Variants in HS6ST3 observed in about 807,000 individuals in gnomAD.
The protein encoded by HS6ST3 is heparan-sulfate 6-O-sulfotransferase 3.
A neutral mutation model predicts 36.7 loss-of-function variants in HS6ST3; 12 were observed. The ratio of observed to expected loss-of-function variants is 0.33; its 90% CI spans 0.21 to 0.53. The LOEUF is 0.53. Among genes scored for constraint, HS6ST3 ranks in the 20% least tolerant of loss-of-function variants. HS6ST3 has a pLI of 0.95. For synonymous variants in HS6ST3, 240 were observed against 257.5 expected (o/e 0.93, Z 0.65); for missense variants, 584 against 640.9 (o/e 0.91, Z 0.96).
intron 1 of HS6ST3, among the ~76,000 whole-genome samples, chr13:96,436,521 C>G (rs1356857212): frequency 6.6e-6 from 1 of 152,156 alleles, no homozygotes; most frequent in East Asian, 1.9e-4. Context: ...GAAGCCCTAA[C>G]CCCCAGTACC....
intron 1 of HS6ST3, among the ~76,000 whole-genome samples, chr13:96,198,198 G>T (rs1293323844): frequency 6.6e-6 from 1 of 152,190 alleles, no homozygotes. Flanking sequence ...TGGGACACAG[G>T]GCACCAAGTG....
intron 1 of HS6ST3, among the ~76,000 whole-genome samples, chr13:96,590,517 C>A (rs997651952): frequency 1.7e-4 from 26 of 151,646 alleles, no homozygotes; most frequent in African/African-American, 6.1e-4. Flanking sequence ...GATCTTTTGC[C>A]CATTTTTAAA....
intron 1 of HS6ST3, among the ~76,000 whole-genome samples, chr13:96,226,376 C>T (rs1201134705): frequency 2.0e-5 from 3 of 152,084 alleles, no homozygotes; most frequent in African/African-American, 7.2e-5. Context: ...CAAAATTAGC[C>T]ATGCATGGTG....
chr13:96,318,690 A>G (rs1203574361), intron 1 of HS6ST3, among the ~76,000 whole-genome samples: 4 of 152,062 alleles, frequency 2.6e-5, no homozygotes, highest in East Asian at 1.9e-4. Context: ...GTCAAAGATC[A>G]GATGGTTGTA....
At chr13:96,576,494 G>C (rs914770465) in intron 1 of HS6ST3, among the ~76,000 whole-genome samples, 1 of 152,168 alleles carries the variant, frequency 6.6e-6, no homozygotes, top group Non-Finnish European at 1.5e-5. Context: ...ACTCATTACT[G>C]TGCAAGTGTT....
intron 1 of HS6ST3, among the ~76,000 whole-genome samples, chr13:96,225,234 A>G (rs2054474525): frequency 6.6e-6 from 1 of 152,238 alleles, no homozygotes; most frequent in Non-Finnish European, 1.5e-5. Flanking sequence ...TGGCCTAATT[A>G]AATTATCTGG....
chr13:96,300,739 A>G (rs1243535335), intron 1 of HS6ST3, among the ~76,000 whole-genome samples: 4 of 152,204 alleles, frequency 2.6e-5, no homozygotes, highest in African/African-American at 9.6e-5. Flanking sequence ...ATAGCTTAAT[A>G]TGTTCATAAA....
At chr13:96,187,860 A>G (rs1467416419) in intron 1 of HS6ST3, among the ~76,000 whole-genome samples, 1 of 152,156 alleles carries the variant, frequency 6.6e-6, no homozygotes, top group Non-Finnish European at 1.5e-5. Flanking sequence ...GAATTCAGTG[A>G]TAACTTCCTT....
intron 1 of HS6ST3, among the ~76,000 whole-genome samples, chr13:96,445,762 G>A (rs1594781982): frequency 6.6e-6 from 1 of 152,096 alleles, no homozygotes; most frequent in Admixed American, 6.6e-5. Context: ...CAGCAACTCG[G>A]GAGGCTGAGG....
At chr13:96,292,188 A>C (rs2054833118) in intron 1 of HS6ST3, among the ~76,000 whole-genome samples, 1 of 148,096 alleles carries the variant, frequency 6.8e-6, no homozygotes, top group African/African-American at 2.5e-5. Context: ...GTTAATATGA[A>C]GTTTTTAGAA....
intron 1 of HS6ST3, among the ~76,000 whole-genome samples, chr13:96,304,572 T>C (rs559079215): frequency 2.0e-3 from 300 of 152,044 alleles, no homozygotes; most frequent in African/African-American, 6.7e-3. Flanking sequence ...GGGATGTCTT[T>C]GGAGGACACT....
chr13:96,816,232 C>A (rs1455417902), intron 1 of HS6ST3, among the ~76,000 whole-genome samples: 1 of 152,162 alleles, frequency 6.6e-6, no homozygotes. Flanking sequence ...AGGGCTGTTA[C>A]TAGAATTCCA....
chr13:96,514,614 C>A (rs1035590767), intron 1 of HS6ST3, among the ~76,000 whole-genome samples: 2 of 152,092 alleles, frequency 1.3e-5, no homozygotes, highest in African/African-American at 4.8e-5. Context: ...GCCGACACGC[C>A]AAGAGAAGAA....
intron 1 of HS6ST3, among the ~76,000 whole-genome samples, chr13:96,231,887 T>C (rs1398490552): frequency 6.6e-6 from 1 of 152,178 alleles, no homozygotes; most frequent in Non-Finnish European, 1.5e-5. Context: ...TGACCAGTCA[T>C]AAAGTGTAAA....
At chr13:96,709,029 A>AATCCCCATT (rs1375242974) in intron 1 of HS6ST3, among the ~76,000 whole-genome samples, 1 of 152,066 alleles carries the variant, frequency 6.6e-6, no homozygotes, top group African/African-American at 2.4e-5. Flanking sequence ...TAATCCCCAT[A>AATCCCCATT]ATCCCCATGT....
At chr13:96,377,007 T>C (rs1273634366) in intron 1 of HS6ST3, among the ~76,000 whole-genome samples, 1 of 150,024 alleles carries the variant, frequency 6.7e-6, no homozygotes, top group Non-Finnish European at 1.5e-5. Flanking sequence ...TATTGATTTA[T>C]TGATTTATTG....
chr13:96,763,720 C>G (rs1292983751), intron 1 of HS6ST3, among the ~76,000 whole-genome samples: 2 of 151,932 alleles, frequency 1.3e-5, no homozygotes, highest in Non-Finnish European at 1.5e-5. Flanking sequence ...GTAATGGTGC[C>G]TACCTCATAA....
At chr13:96,221,735 C>A (rs1015091637) in intron 1 of HS6ST3, among the ~76,000 whole-genome samples, 3 of 152,090 alleles carry the variant, frequency 2.0e-5, no homozygotes, top group Admixed American at 6.6e-5. Context: ...GCTATTGACA[C>A]ATAACCCCTG....
intron 1 of HS6ST3, among the ~76,000 whole-genome samples, chr13:96,702,380 T>G (rs1274595421): frequency 6.6e-6 from 1 of 152,240 alleles, no homozygotes; most frequent in East Asian, 1.9e-4. Context: ...ATGTCCAGAC[T>G]GGCTGGCCCT....
Sources: allele counts gnomAD v4.1 joint callset (sites outside exome capture counted in the v4.1 genomes callset), GRCh38; gene constraint gnomAD v4.1.1; transcripts MANE v1.5; gene names NCBI Gene and HGNC (gene_info 2026-07-23, HGNC 2026-07-21).